RAB3GAP2: variants seen among roughly 807,000 people sequenced by gnomAD.
RAB3GAP2 encodes the protein RAB3 GTPase activating non-catalytic protein subunit 2.
A neutral mutation model predicts 185.3 loss-of-function variants in RAB3GAP2; 87 were observed. The ratio of observed to expected loss-of-function variants is 0.47; its 90% CI spans 0.39 to 0.56. The LOEUF is 0.56. RAB3GAP2 is among the 20% of genes least tolerant of loss of function. The pLI is 0.00. For synonymous variants in RAB3GAP2, 554 were observed against 576.1 expected (o/e 0.96, Z 0.55); for missense variants, 1,492 against 1,638.2 (o/e 0.91, Z 1.54).
chr1:220,172,572 C>T, intron 22 of RAB3GAP2, 65 bp downstream of exon 22: 1 of 1,079,154 alleles, frequency 9.3e-7, no homozygotes, highest in Non-Finnish European at 1.4e-6. Context: ...CCTATCCACT[C>T]TCCCATCTTT....
intron 4 of RAB3GAP2, 111 bp downstream of exon 4, chr1:220,212,776 A>T: frequency 1.1e-6 from 1 of 916,342 alleles, no homozygotes; most frequent in Non-Finnish European, 1.8e-6. Flanking sequence ...TACAGATGTG[A>T]ACCACTGCAC....
At chr1:220,185,249 C>T (rs1658487901) in intron 18 of RAB3GAP2, among the ~76,000 whole-genome samples, 1 of 152,074 alleles carries the variant, frequency 6.6e-6, no homozygotes, top group Non-Finnish European at 1.5e-5. Flanking sequence ...ATAGTACAGA[C>T]AAATTTTGAA....
intron 2 of RAB3GAP2, among the ~76,000 whole-genome samples, chr1:220,226,386 A>C (rs1433312765): frequency 6.6e-6 from 1 of 152,022 alleles, no homozygotes; most frequent in African/African-American, 2.4e-5. Flanking sequence ...CTTCTTTCTC[A>C]TAGCAAAAAA....
rs1658496458 is a variant in RAB3GAP2 at position 220,185,756 on chromosome 1, T to A, written c.1780-15A>T. The stretch of plus-strand genomic sequence containing the variant: ...CTTTCCAAAGCCTAGGAGAAAGATA[T>A]TGAACAGTTCTAGTAATTATAAGGC... On this transcript the variant is annotated splice_polypyrimidine_tract_variant and intron_variant, in intron 17 of 34. Coordinates refer to ENST00000358951, the MANE Select transcript of RAB3GAP2 (RefSeq NM_012414.4). 1.9e-6 allele frequency: 3 copies of A among 1,587,922 alleles called. No individual in the cohort carries two copies. In the African/African-American group the frequency reaches 4.0e-5, roughly 21 times the overall value.
At chr1:220,163,214 T>TG (rs1205971470) in intron 27 of RAB3GAP2, among the ~76,000 whole-genome samples, 1 of 152,124 alleles carries the variant, frequency 6.6e-6, no homozygotes, top group Non-Finnish European at 1.5e-5. Context: ...GCATTTCACA[T>TG]GCTATTATTA....
At chr1:220,189,821 A>G in intron 16 of RAB3GAP2, 54 bp from the exon 17 acceptor site, 1 of 1,331,200 alleles carries the variant, frequency 7.5e-7, no homozygotes, top group Non-Finnish European at 1.0e-6. Flanking sequence ...ACAGTGAAAC[A>G]TTATTCTGAA....
chr1:220,190,340 A>T, intron 15 of RAB3GAP2, 37 bp downstream of exon 15: 2 of 1,613,728 alleles, frequency 1.2e-6, no homozygotes, highest in Non-Finnish European at 1.7e-6. Flanking sequence ...AAAAGTTAGC[A>T]GAGGAGCGTC....
At chr1:220,182,596 A>T in intron 20 of RAB3GAP2, 122 bp downstream of exon 20, 1 of 1,182,584 alleles carries the variant, frequency 8.5e-7, no homozygotes, top group Non-Finnish European at 1.2e-6. Flanking sequence ...AAAATACAGT[A>T]CATTAAATCC....
intron 1 of RAB3GAP2, chr1:220,253,425 C>T: frequency 7.5e-7 from 1 of 1,325,022 alleles, no homozygotes; most frequent in Non-Finnish European, 1.0e-6. Context: ...GGTAGAGTGG[C>T]CAGACTGTTA....
In RAB3GAP2 at chr1:220,172,059, T is replaced by C. The variant is rs375377695; in HGVS notation, c.2417-10A>G. ...GTCTCATCGATGGCCACTATAGGGA[T>C]AGGAGAAAACAGAAAAATAAACTCT... On this transcript the variant is annotated splice_polypyrimidine_tract_variant and intron_variant, in intron 22 of 34. Coordinates refer to ENST00000358951, the MANE Select transcript of RAB3GAP2 (RefSeq NM_012414.4). The C allele has an allele frequency of 1.9e-6, 3 of 1,613,942 alleles. No homozygotes were observed. Among genetic ancestry groups the C allele is most frequent in the South Asian group, 2.2e-5 (2 of 91,048 alleles).
At position 220,167,528 on chromosome 1, in the gene RAB3GAP2, A is replaced by G; in HGVS notation, c.2954T>C (p.Met985Thr). Residue 985 changes from methionine (M) to threonine (T), a missense_variant, in exon 25 of 35, where the codon ATG (methionine) becomes ACG (threonine). Met to Thr is a moderately conservative substitution (Grantham distance 81). Transcript: ENST00000358951. ...VNRSFLEVSEMEMDLGAIPDL... is the reference protein window; with the variant it reads ...VNRSFLEVSETEMDLGAIPDL... ...TGGTATGGCTCCTAAGTCCATCTCC[A>G]TCTCTGATACCTCAAGGAAACTTCT... The G allele has an allele frequency of 6.2e-7, 1 of 1,614,092 alleles. No homozygotes were observed. The highest frequency in any genetic ancestry group is 8.5e-7 in the Non-Finnish European group (1 of 1,180,016).
Position 220,195,414 on chromosome 1 carries a change from G to C in RAB3GAP2, c.961-37C>G, listed in dbSNP as rs769008890. ...AACATTTGAAAGAGAAAACTTAGTA[G>C]CTTACAAAGAAACAAACATACTTTC... On this transcript the variant is annotated intron_variant, in intron 10 of 34. Coordinates refer to ENST00000358951, the MANE Select transcript of RAB3GAP2 (RefSeq NM_012414.4). 8 of 1,512,178 alleles carry C rather than the reference G, an allele frequency of 5.3e-6. No homozygotes were observed. The Admixed American group carries it at 1.3e-4, about 25-fold the overall frequency. The allele number at this position is 1,512,178 out of a possible 1,614,324, so 93.7% of individuals were successfully genotyped here. A position where few individuals can be genotyped will look rare whatever the true frequency, so the allele number is the denominator to read the frequency against.
chr1:220,159,500 TA>T, intron 28 of RAB3GAP2, 79 bp from the exon 29 acceptor site: 2 of 1,093,138 alleles, frequency 1.8e-6, no homozygotes, highest in South Asian at 2.8e-5. Flanking sequence ...TAATAAAAAG[TA>T]ACCGAATTTA....
At chr1:220,163,149 TG>T (rs1415206186) in intron 27 of RAB3GAP2, among the ~76,000 whole-genome samples, 1 of 152,084 alleles carries the variant, frequency 6.6e-6, no homozygotes, top group Non-Finnish European at 1.5e-5. Flanking sequence ...CTCATTGAGC[TG>T]TGGCATTAAC....
At chr1:220,215,054 T>C (rs1659164755) in intron 2 of RAB3GAP2, among the ~76,000 whole-genome samples, 1 of 151,024 alleles carries the variant, frequency 6.6e-6, no homozygotes, top group South Asian at 2.1e-4. Flanking sequence ...TTTATTGTTT[T>C]TAATGTCTGC....
chr1:220,247,520 G>A (rs1050492766), intron 1 of RAB3GAP2, among the ~76,000 whole-genome samples: 3 of 152,160 alleles, frequency 2.0e-5, no homozygotes, highest in Non-Finnish European at 2.9e-5. Flanking sequence ...AGCAAAAACC[G>A]TATGTCCTCC....
intron 1 of RAB3GAP2, among the ~76,000 whole-genome samples, chr1:220,240,624 A>G (rs1451938858): frequency 1.3e-5 from 2 of 152,158 alleles, no homozygotes; most frequent in Non-Finnish European, 2.9e-5. Flanking sequence ...CTTTCTCTAA[A>G]TAAGATTAAT....
intron 13 of RAB3GAP2, among the ~76,000 whole-genome samples, chr1:220,192,747 G>T (rs1423653300): frequency 6.6e-6 from 1 of 152,188 alleles, no homozygotes; most frequent in Non-Finnish European, 1.5e-5. Context: ...AGATACTGTG[G>T]TCTGTTACTC....
At chr1:220,180,507 T>G (rs1482024905) in intron 21 of RAB3GAP2, among the ~76,000 whole-genome samples, 2 of 152,266 alleles carry the variant, frequency 1.3e-5, no homozygotes, top group East Asian at 3.9e-4. Flanking sequence ...GAGACTATTA[T>G]GAACAGCTTT....
Sources: allele counts gnomAD v4.1 joint callset (sites outside exome capture counted in the v4.1 genomes callset), GRCh38; gene constraint gnomAD v4.1.1; transcripts MANE v1.5; gene names NCBI Gene and HGNC (gene_info 2026-07-23, HGNC 2026-07-21).